The following C2orf92 variants were observed in gnomAD, a reference collection of about 807,000 sequenced individuals.
C2orf92 encodes uncharacterized protein C2orf92.
chr2:97,670,357 T>G (rs1302949115), intron 1 of C2orf92: 1 of 151,716 alleles, frequency 6.6e-6, no homozygotes, highest in African/African-American at 2.4e-5. Context: ...CCATGCATGG[T>G]GATGCGTGCG....
chr2:97,682,712 A>G (rs1675817719), intron 3 of C2orf92, among the ~76,000 whole-genome samples: 2 of 152,198 alleles, frequency 1.3e-5, no homozygotes, highest in African/African-American at 4.8e-5. Context: ...GAGAAAAAAT[A>G]TCATTTCAAT....
intron 3 of C2orf92, 44 bp from the exon 4 acceptor site, chr2:97,688,851 T>C (rs1573219511): frequency 7.5e-6 from 3 of 398,444 alleles, no homozygotes; most frequent in Non-Finnish European, 8.8e-6. Flanking sequence ...AATATATCAA[T>C]CCTGCGTTGC....
chr2:97,680,835 A>C (rs1236403491), intron 3 of C2orf92, among the ~76,000 whole-genome samples: 1 of 152,176 alleles, frequency 6.6e-6, no homozygotes, highest in Non-Finnish European at 1.5e-5. Context: ...CTGAGGCAGG[A>C]GAATGGCATG....
intron 5 of C2orf92, among the ~76,000 whole-genome samples, chr2:97,696,639 G>C (rs1439610638): frequency 6.6e-6 from 1 of 152,172 alleles, no homozygotes; most frequent in Non-Finnish European, 1.5e-5. Context: ...GGGAGGCTGA[G>C]GCAGGAAAAT....
intron 3 of C2orf92, chr2:97,677,395 T>C (rs1003148913): frequency 6.6e-6 from 1 of 152,250 alleles, no homozygotes; most frequent in Non-Finnish European, 1.5e-5. Flanking sequence ...ATAATGTTTT[T>C]TGTTTTTCTC....
At chr2:97,702,636 C>T in intron 7 of C2orf92, 33 bp from the exon 8 acceptor site, 1 of 398,976 alleles carries the variant, frequency 2.5e-6, no homozygotes, top group Non-Finnish European at 4.4e-6. Context: ...GTGCGCTGAG[C>T]TGAGCACTGT....
intron 7 of C2orf92, among the ~76,000 whole-genome samples, chr2:97,701,697 G>T (rs1200234741): frequency 6.6e-6 from 1 of 152,250 alleles, no homozygotes; most frequent in African/African-American, 2.4e-5. Context: ...GAGAGTGAGA[G>T]CAGGGCTGAT....
intron 3 of C2orf92, among the ~76,000 whole-genome samples, chr2:97,687,452 A>G (rs2309271): frequency 6.6e-6 from 1 of 152,328 alleles, no homozygotes; most frequent in African/African-American, 2.4e-5. Flanking sequence ...CCAAGGCCCA[A>G]GGAAGTCCTC....
At chr2:97,665,723 CTCTCTCTCTCTCTCTATATA>C (rs1161067107), upstream of C2orf92, 131 of 61,800 alleles carry the variant, frequency 2.1e-3, no homozygotes, top group African/African-American at 4.8e-3. Context: ...CTCTCTCTCT[CTCTCTCTCTCTCTCTATATA>C]TATATATATA....
chr2:97,680,035 C>T (rs1675714078), intron 3 of C2orf92, among the ~76,000 whole-genome samples: 1 of 152,076 alleles, frequency 6.6e-6, no homozygotes, highest in African/African-American at 2.4e-5. Context: ...CCTGGTGGCT[C>T]ACGCCTGTAA....
chr2:97,701,894 C>T (rs1428941615), intron 7 of C2orf92, among the ~76,000 whole-genome samples: 2 of 152,110 alleles, frequency 1.3e-5, no homozygotes, highest in African/African-American at 2.4e-5. Context: ...TGCCTGTCTA[C>T]ACCCCCGTCT....
At chr2:97,668,116 A>C (rs1675296565), upstream of C2orf92, 1 of 152,156 alleles carries the variant, frequency 6.6e-6, no homozygotes, top group Admixed American at 6.5e-5. Context: ...TGGAATTTGG[A>C]CATTTTCTGT....
rs1433201492 is a variant in C2orf92, at chr2:97,669,720, A to C, written c.-69A>C. Reference sequence around the variant, plus strand: ...TAGGTTCCGTGGTACCCTGGAGTCCACAGCTGCTGAATCTGAAGGGCCATC... The same window carrying C: ...TAGGTTCCGTGGTACCCTGGAGTCCCCAGCTGCTGAATCTGAAGGGCCATC... On this transcript the variant is annotated 5_prime_UTR_variant, in exon 1 of 8. Transcript: ENST00000627399. 2.5e-6 allele frequency: 1 copy of C among 398,350 alleles called. No homozygotes were observed. The highest frequency in any genetic ancestry group is 2.1e-5 in the African/African-American group (1 of 48,604). The allele number at this position is 398,350 out of a possible 1,614,324, so 24.7% of individuals were successfully genotyped here. A position where few individuals can be genotyped will look rare whatever the true frequency, so the allele number is the denominator to read the frequency against.
intron 3 of C2orf92, among the ~76,000 whole-genome samples, chr2:97,680,191 T>C (rs1573209728): frequency 6.6e-6 from 1 of 151,828 alleles, no homozygotes; most frequent in Non-Finnish European, 1.5e-5. Flanking sequence ...CCCAGCTATT[T>C]GGGAGGCTGA....
At chr2:97,697,172 A>G (rs901697717) in intron 5 of C2orf92, 6 of 152,202 alleles carry the variant, frequency 3.9e-5, no homozygotes, top group African/African-American at 1.4e-4. Context: ...TAGTAGTTCT[A>G]AAGTTGGAAA....
At chr2:97,670,844 A>G (rs914710359) in intron 1 of C2orf92, 7 of 152,154 alleles carry the variant, frequency 4.6e-5, no homozygotes, top group African/African-American at 1.7e-4. Flanking sequence ...AATTACAGGC[A>G]TGAACCACTA....
chr2:97,676,893 T>C (rs1327502575), intron 3 of C2orf92, among the ~76,000 whole-genome samples: 2 of 152,346 alleles, frequency 1.3e-5, no homozygotes, highest in East Asian at 3.8e-4. Context: ...GACTCATTCA[T>C]CTACCCCAAG....
intron 5 of C2orf92, among the ~76,000 whole-genome samples, chr2:97,696,611 C>T (rs1047866945): frequency 1.3e-5 from 2 of 152,122 alleles, no homozygotes; most frequent in African/African-American, 2.4e-5. Flanking sequence ...TGGCGTATCC[C>T]TGTAATCCCA....
At chr2:97,690,484 C>T (rs1283658459) in intron 5 of C2orf92, among the ~76,000 whole-genome samples, 157 bp downstream of exon 5, 1 of 151,376 alleles carries the variant, frequency 6.6e-6, no homozygotes, top group African/African-American at 2.4e-5. Flanking sequence ...AGGTTCACGC[C>T]ATTCTCCTGC....
Sources: gnomAD v4.1 joint callset for allele counts (sites outside exome capture counted in the v4.1 genomes callset) on GRCh38, gnomAD v4.1.1 for gene constraint, MANE v1.5 for transcripts, NCBI Gene and HGNC (gene_info 2026-07-23, HGNC 2026-07-21) for gene names.